Variants in SNTB2 observed in about 807,000 individuals in gnomAD.
The protein encoded by SNTB2 is syntrophin beta 2, also known as beta-2-syntrophin.
Under a neutral mutation model 46.2 loss-of-function variants are expected in SNTB2, and 34 were observed. The ratio of observed to expected loss-of-function variants is 0.74; its 90% confidence interval spans 0.56 to 0.98. SNTB2 has a LOEUF of 0.98. SNTB2 is among the 50% of genes least tolerant of loss of function. The pLI is 0.00. For synonymous variants in SNTB2, 290 were observed against 312.6 expected, an observed-to-expected ratio of 0.93 and a Z score of 0.76; for missense variants, 603 against 731.4, an observed-to-expected ratio of 0.82 and a Z score of 2.02.
intron 3 of SNTB2, among the ~76,000 whole-genome samples, chr16:69,264,406 A>G (rs932197672): frequency 6.6e-6 from 1 of 152,214 alleles, no homozygotes; most frequent in African/African-American, 2.4e-5. Flanking sequence ...AGCATGGCAA[A>G]GTTGTAAAGG....
chr16:69,214,908 G>C (rs1964331677), intron 1 of SNTB2, among the ~76,000 whole-genome samples: 1 of 151,314 alleles, frequency 6.6e-6, no homozygotes, highest in South Asian at 2.1e-4. Context: ...CAGTGGTGCA[G>C]TCTCGATTCA....
chr16:69,279,668 GGCTCCT>G, intron 4 of SNTB2, among the ~76,000 whole-genome samples: 1 of 150,392 alleles, frequency 6.6e-6, no homozygotes. Flanking sequence ...TGGGACTACA[GGCTCCT>G]GCCACCATGC....
chr16:69,225,580 C>A (rs978125842), intron 1 of SNTB2, among the ~76,000 whole-genome samples: 1 of 152,050 alleles, frequency 6.6e-6, no homozygotes, highest in Non-Finnish European at 1.5e-5. Context: ...GTATTTACAC[C>A]TCTATAGCAT....
chr16:69,293,201 G>C (rs978948799), intron 5 of SNTB2, among the ~76,000 whole-genome samples: 1 of 152,126 alleles, frequency 6.6e-6, no homozygotes, highest in African/African-American at 2.4e-5. Flanking sequence ...CAATCTGATT[G>C]AGTCAGTTTG....
At chr16:69,223,232 G>A (rs1211603228) in intron 1 of SNTB2, among the ~76,000 whole-genome samples, 1 of 135,066 alleles carries the variant, frequency 7.4e-6, no homozygotes, top group African/African-American at 2.8e-5. Context: ...TGCTCTTGTT[G>A]CCCAGGCTGG....
At chr16:69,212,457 G>A (rs1028389892) in intron 1 of SNTB2, among the ~76,000 whole-genome samples, 2 of 151,918 alleles carry the variant, frequency 1.3e-5, no homozygotes, top group Admixed American at 6.6e-5. Flanking sequence ...TCCTGCCTCA[G>A]CTTCCCAAGC....
intron 1 of SNTB2, among the ~76,000 whole-genome samples, chr16:69,205,606 A>G (rs1422360367): frequency 1.3e-5 from 2 of 151,886 alleles, no homozygotes; most frequent in Non-Finnish European, 2.9e-5. Flanking sequence ...TGATCCCTGG[A>G]TTTGTGTTCT....
chr16:69,232,502 C>CTTTTTTTTTTTTTTTTTT (rs1032986410), intron 1 of SNTB2, among the ~76,000 whole-genome samples: 1 of 63,884 alleles, frequency 1.6e-5, no homozygotes, highest in Non-Finnish European at 3.0e-5. Context: ...ACGGTGCGGC[C>CTTTTTTTTTTTTTTTTTT]TTTTTTTTTT....
At chr16:69,227,911 T>C (rs2152294517) in intron 1 of SNTB2, among the ~76,000 whole-genome samples, 1 of 149,552 alleles carries the variant, frequency 6.7e-6, no homozygotes, top group South Asian at 2.2e-4. Context: ...AGGCTGGAGT[T>C]CAGTGGCATG....
At chr16:69,251,828 G>A (rs1050489705) in intron 2 of SNTB2, among the ~76,000 whole-genome samples, 5 of 152,136 alleles carry the variant, frequency 3.3e-5, no homozygotes, top group Non-Finnish European at 7.3e-5. Flanking sequence ...GTTCATGCCT[G>A]TAATTCCAGT....
intron 4 of SNTB2, among the ~76,000 whole-genome samples, chr16:69,279,992 TGCAGGGGACCCTGCGGCCTTCC>T (rs1396052919): frequency 6.6e-6 from 1 of 152,130 alleles, no homozygotes; most frequent in African/African-American, 2.4e-5. Flanking sequence ...GGTTTTCCTA[TGCAGGGGACCCTGCGGCCTTCC>T]GCAGTGTTTG....
At chr16:69,231,692 G>A (rs949744419) in intron 1 of SNTB2, among the ~76,000 whole-genome samples, 27 of 152,160 alleles carry the variant, frequency 1.8e-4, no homozygotes, top group Admixed American at 1.4e-3. Context: ...TTGTTCAGAT[G>A]CAGTGTCTCC....
intron 1 of SNTB2, among the ~76,000 whole-genome samples, chr16:69,201,840 T>G (rs990386452): frequency 6.6e-6 from 1 of 152,188 alleles, no homozygotes; most frequent in Non-Finnish European, 1.5e-5. Flanking sequence ...TTTTTTTGAG[T>G]GCCTCTAAAA....
Position 69,217,028 on chromosome 16 carries a change from T to C in SNTB2, c.581-28574T>C, listed in dbSNP as rs548095567. On this transcript the variant is annotated intron_variant, in intron 1 of 6. Transcript: ENST00000336278. Reference sequence around the variant, plus strand: ...TGACTTAAATATTGATCCCTGATCATTTTTTTTTTAAAGTCTGGATATCTG... The same window carrying C: ...TGACTTAAATATTGATCCCTGATCACTTTTTTTTTAAAGTCTGGATATCTG... Among the ~76,000 whole-genome samples the C allele has an allele frequency of 2.1e-4, 31 of 150,536 alleles. No homozygotes were observed. In the South Asian group the frequency reaches 6.5e-3, roughly 32 times the overall value.
chr16:69,235,823 C>T, intron 1 of SNTB2: 1 of 1,289,250 alleles, frequency 7.8e-7, no homozygotes, highest in Non-Finnish European at 1.0e-6. Context: ...TTCAAATATC[C>T]TGGAATTGTG....
chr16:69,261,948 C>G lies in SNTB2; in HGVS notation c.1005+1688C>G, dbSNP rs185583955. Among the ~76,000 whole-genome samples the G allele has an allele frequency of 3.2e-3, 491 of 152,176 alleles. 1 individual carries two copies. The highest frequency in any genetic ancestry group is 0.011 in the African/African-American group (458 of 41,516). On this transcript the variant is annotated intron_variant, in intron 3 of 6. Coordinates refer to ENST00000336278, the MANE Select transcript of SNTB2 (RefSeq NM_006750.4). ...ATGAGGCAGGGTGTGGTGGCTCATA[C>G]CTGTAAAACCAGCACTTTGGGAGGC...
rs920237431 is a variant in SNTB2 at position 69,268,820 on chromosome 16, G to A, written c.1006-1323G>A. On this transcript the variant is annotated intron_variant, in intron 3 of 6. Coordinates refer to ENST00000336278, the MANE Select transcript of SNTB2 (RefSeq NM_006750.4). ...GCAGAGGTTGCAGTAAGCAGAAATC[G>A]CGCCGCTGCCCTCCAGCCTGGGCAA... 9.2e-5 allele frequency among the ~76,000 whole-genome samples: 14 copies of A among 151,530 alleles called. No homozygotes were observed. In the South Asian group the frequency reaches 1.5e-3, roughly 16 times the overall value.
intron 5 of SNTB2, among the ~76,000 whole-genome samples, chr16:69,289,333 G>T (rs1965137286): frequency 6.6e-6 from 1 of 151,862 alleles, no homozygotes; most frequent in South Asian, 2.1e-4. Context: ...AATACCAGAG[G>T]TTGGGATGGG....
chr16:69,212,029 T>A (rs1964293497), intron 1 of SNTB2, among the ~76,000 whole-genome samples: 1 of 152,170 alleles, frequency 6.6e-6, no homozygotes, highest in Non-Finnish European at 1.5e-5. Flanking sequence ...TCATGATATC[T>A]TACAACCCTT....
Sources: gnomAD v4.1 joint callset for allele counts (sites outside exome capture counted in the v4.1 genomes callset) on GRCh38, gnomAD v4.1.1 for gene constraint, MANE v1.5 for transcripts, NCBI Gene and HGNC (gene_info 2026-07-23, HGNC 2026-07-21) for gene names.